SPATA6L: variants seen among roughly 807,000 people sequenced by gnomAD.
SPATA6L encodes the protein spermatogenesis associated 6 like.
In SPATA6L, 68 loss-of-function variants were observed where a neutral mutation model predicts 49.2. The observed-to-expected ratio is 1.38, with a 90% CI of 1.14 to 1.69. The LOEUF (loss-of-function observed/expected upper bound fraction) is 1.69, where lower values mean the gene tolerates loss of function less well. Ranked by LOEUF, SPATA6L falls within the 40% of genes most tolerant of loss-of-function variation. The pLI, the probability that SPATA6L is intolerant of heterozygous loss-of-function variation, is 0.00. For synonymous variants in SPATA6L, 198 were observed against 165.7 expected, an observed-to-expected ratio of 1.19 and a Z score of -1.50; for missense variants, 668 against 464.3, an observed-to-expected ratio of 1.44 and a Z score of -4.03.
rs1047546009 is a variant in SPATA6L at position 4,598,520 on chromosome 9, T to G, written c.*2291A>C. ...TAATTTAAGGAATAGAGTTAATAGA[T>G]GCAAAAGTAAAGGGAAAAAAAGCGT... is the stretch of plus-strand genomic sequence containing the variant. On this transcript the variant is annotated 3_prime_UTR_variant, in exon 12 of 12. Transcript: ENST00000682582. Among the ~76,000 whole-genome samples, 2 of 152,082 alleles carry G rather than the reference T, an allele frequency of 1.3e-5. No individual in the cohort carries two copies. The highest frequency in any genetic ancestry group is 2.9e-5 in the Non-Finnish European group (2 of 68,004).
chr9:4,650,527 G>C (rs1836576195), intron 3 of SPATA6L, among the ~76,000 whole-genome samples: 1 of 152,100 alleles, frequency 6.6e-6, no homozygotes, highest in Admixed American at 6.6e-5. Flanking sequence ...ACATCTAAAA[G>C]TTGGTTGTTT....
intron 1 of SPATA6L, chr9:4,663,850 CTA>C (rs1470450836): frequency 6.0e-6 from 1 of 166,942 alleles, no homozygotes; most frequent in Non-Finnish European, 1.5e-5. Flanking sequence ...TTTATTATCT[CTA>C]TAATTTATTA....
In SPATA6L at chr9:4,654,952, C is replaced by T. The variant is rs1160274890; in HGVS notation, c.226+1089G>A. Among the ~76,000 whole-genome samples, 5 of 152,158 alleles carry T rather than the reference C, an allele frequency of 3.3e-5. No individual in the cohort carries two copies. In the East Asian group the frequency reaches 9.6e-4, roughly 29 times the overall value. On this transcript the variant is annotated intron_variant, in intron 3 of 11. Transcript: ENST00000682582. Reference sequence around the variant, plus strand: ...GACCACACCCTTCCTGTACCGAGCACTTCCCTTCCCTGGTCCATATCATTT... The same window carrying T: ...GACCACACCCTTCCTGTACCGAGCATTTCCCTTCCCTGGTCCATATCATTT...
intron 4 of SPATA6L, among the ~76,000 whole-genome samples, chr9:4,629,526 G>C (rs1282207001): frequency 2.0e-5 from 3 of 151,772 alleles, no homozygotes; most frequent in East Asian, 1.9e-4. Context: ...CATGATGTTA[G>C]CTACTCTATT....
chr9:4,625,962 G>A (rs1482979313), intron 5 of SPATA6L: 2 of 157,838 alleles, frequency 1.3e-5, no homozygotes, highest in Non-Finnish European at 2.8e-5. Context: ...GCTTATGATA[G>A]TTTAAAAGTT....
At chr9:4,635,482 A>C in intron 3 of SPATA6L, 83 bp from the exon 4 acceptor site, 1 of 1,379,234 alleles carries the variant, frequency 7.3e-7, no homozygotes, top group Non-Finnish European at 9.7e-7. Context: ...AGATGATGGC[A>C]GAGATGGCAC....
At chr9:4,621,587 C>G (rs974478482) in intron 7 of SPATA6L, among the ~76,000 whole-genome samples, 1 of 152,048 alleles carries the variant, frequency 6.6e-6, no homozygotes, top group Non-Finnish European at 1.5e-5. Flanking sequence ...CTCCCGGGTT[C>G]AAGCGATTCT....
At chr9:4,643,913 A>G (rs1834634488) in intron 3 of SPATA6L, among the ~76,000 whole-genome samples, 1 of 152,164 alleles carries the variant, frequency 6.6e-6, no homozygotes, top group Non-Finnish European at 1.5e-5. Context: ...AGGCTGAGGC[A>G]GGAGAATCAC....
In SPATA6L at chr9:4,662,263, C is replaced by T; in HGVS notation, c.40-227G>A. On this transcript the variant is annotated intron_variant, in intron 1 of 11. Transcript: ENST00000682582. The surrounding 1 kb of genome is among the most constrained non-coding windows in gnomAD (Gnocchi z 4.9). ...ACCAGGTGTCACAATCGCGCTCTCG[C>T]CGGCTCCTCTCCCCGCCCCTCCGGG... 3 of 1,434,278 alleles carry T rather than the reference C, an allele frequency of 2.1e-6. No homozygotes were observed. Among genetic ancestry groups the T allele is most frequent in the South Asian group, 1.5e-5 (1 of 67,240 alleles). 88.8% of individuals were successfully genotyped at this position (1,434,278 alleles called of 1,614,324 possible).
chr9:4,657,291 T>A (rs1838503406), intron 2 of SPATA6L, among the ~76,000 whole-genome samples: 1 of 152,202 alleles, frequency 6.6e-6, no homozygotes, highest in Non-Finnish European at 1.5e-5. Flanking sequence ...TAAGTGGGGT[T>A]TTTTTGCCTA....
intron 9 of SPATA6L, among the ~76,000 whole-genome samples, chr9:4,606,376 C>T (rs1244972586): frequency 7.7e-6 from 1 of 129,046 alleles, no homozygotes; most frequent in Non-Finnish European, 1.6e-5. Flanking sequence ...CAGCAGTAAC[C>T]TCTGCAGACT....
intron 3 of SPATA6L, among the ~76,000 whole-genome samples, chr9:4,644,979 T>C (rs364802): frequency 0.63 from 95,618 of 151,860 alleles, 32,033 homozygotes; most frequent in African/African-American, 0.88. Flanking sequence ...CTGTTCAAAT[T>C]TACTCACCTC....
intron 2 of SPATA6L, among the ~76,000 whole-genome samples, chr9:4,657,391 T>G (rs565836505): frequency 1.3e-5 from 2 of 152,278 alleles, no homozygotes; most frequent in South Asian, 4.1e-4. Context: ...TTAAACCCAG[T>G]ATCTCAGAAT....
At chr9:4,594,759 T>C (rs1421443179), downstream of SPATA6L, among the ~76,000 whole-genome samples, 1 of 152,162 alleles carries the variant, frequency 6.6e-6, no homozygotes, top group Non-Finnish European at 1.5e-5. Context: ...CATGGTGTAC[T>C]CCTGCATTTT....
chr9:4,630,615 T>C (rs899791243), intron 4 of SPATA6L, among the ~76,000 whole-genome samples: 5 of 152,214 alleles, frequency 3.3e-5, no homozygotes, highest in Admixed American at 6.5e-5. Flanking sequence ...GGTAAGCCCA[T>C]AGTAGTCTCT....
rs748613068 is a variant in SPATA6L, at chr9:4,662,660, C to G, written c.40-624G>C. On this transcript the variant is annotated intron_variant, in intron 1 of 11. Transcript: ENST00000682582. The surrounding 1 kb of genome is among the most constrained non-coding windows in gnomAD (Gnocchi z 4.9). ...CCGAGGAGGACCGCATGGACTTGAA[C>G]CCGTCCTTCCTGGGCATCGCCCTGC... is the stretch of plus-strand genomic sequence containing the variant. The G allele has an allele frequency of 1.9e-6, 3 of 1,599,854 alleles. No homozygotes were observed. Among genetic ancestry groups the G allele is most frequent in the Non-Finnish European group, 2.5e-6 (3 of 1,179,826 alleles).
At chr9:4,656,903 C>T (rs146790679) in intron 2 of SPATA6L, among the ~76,000 whole-genome samples, 15 of 151,544 alleles carry the variant, frequency 9.9e-5, no homozygotes, top group Admixed American at 2.0e-4. Context: ...ATTACCTATG[C>T]GTAACACAAA....
At chr9:4,606,247 TG>T (rs1824947162) in intron 9 of SPATA6L, among the ~76,000 whole-genome samples, 1 of 142,642 alleles carries the variant, frequency 7.0e-6, no homozygotes, top group Non-Finnish European at 1.5e-5. Context: ...TGCCCAGGCT[TG>T]CTGAGGTAAA....
chr9:4,606,679 C>A (rs1259720260), intron 9 of SPATA6L, among the ~76,000 whole-genome samples: 2 of 122,610 alleles, frequency 1.6e-5, no homozygotes, highest in Non-Finnish European at 3.3e-5. Flanking sequence ...GTAGATAAAA[C>A]CACAAAGATG....
Sources: allele counts gnomAD v4.1 joint callset (sites outside exome capture counted in the v4.1 genomes callset), GRCh38; gene constraint gnomAD v4.1.1; non-coding constraint Gnocchi (gnomAD v3.1); transcripts MANE v1.5; gene names NCBI Gene and HGNC (gene_info 2026-07-23, HGNC 2026-07-21).